The following SGIP1 variants were observed in gnomAD, a reference collection of about 807,000 sequenced individuals.
SGIP1 encodes the protein SH3-containing GRB2-like protein 3-interacting protein 1.
A neutral mutation model predicts 107.5 loss-of-function variants in SGIP1; 38 were observed. The ratio of observed to expected loss-of-function variants is 0.35; its 90% confidence interval spans 0.27 to 0.46. SGIP1 has a LOEUF of 0.46. Ranked by LOEUF, SGIP1 falls within the 20% of genes least tolerant of loss-of-function variation. The pLI, the probability that SGIP1 is intolerant of heterozygous loss-of-function variation, is 1.00. For synonymous variants in SGIP1, 365 were observed against 366.1 expected, an observed-to-expected ratio of 1.00 and a Z score of 0.03; for missense variants, 929 against 1,019.5, an observed-to-expected ratio of 0.91 and a Z score of 1.21.
intron 3 of SGIP1, among the ~76,000 whole-genome samples, chr1:66,635,655 G>A (rs2075633328): frequency 6.6e-6 from 1 of 152,180 alleles, no homozygotes; most frequent in Non-Finnish European, 1.5e-5. Context: ...AATGCTGGCT[G>A]TATGAGAAAT....
At chr1:66,553,368 A>C (rs2057716261) in intron 1 of SGIP1, among the ~76,000 whole-genome samples, 1 of 152,078 alleles carries the variant, frequency 6.6e-6, no homozygotes, top group African/African-American at 2.4e-5. Context: ...CATTTTAAAA[A>C]TAAAGTCATC....
chr1:66,694,627 T>G, intron 17 of SGIP1: 2 of 658,764 alleles, frequency 3.0e-6, no homozygotes, highest in Non-Finnish European at 2.4e-6. Flanking sequence ...GCCTCTCAGA[T>G]GCACCCTGTA....
intron 1 of SGIP1, among the ~76,000 whole-genome samples, chr1:66,618,938 A>T (rs1046645243): frequency 2.0e-5 from 3 of 152,226 alleles, no homozygotes; most frequent in African/African-American, 7.2e-5. Flanking sequence ...GAGTATGGTC[A>T]CATATTTTGT....
At chr1:66,617,418 A>G (rs1256389194) in intron 1 of SGIP1, among the ~76,000 whole-genome samples, 1 of 152,240 alleles carries the variant, frequency 6.6e-6, no homozygotes. Context: ...TACAGTGACT[A>G]TATTTAAAGC....
chr1:66,590,264 A>G (rs1390636511), intron 1 of SGIP1, among the ~76,000 whole-genome samples: 1 of 152,198 alleles, frequency 6.6e-6, no homozygotes, highest in East Asian at 1.9e-4. Flanking sequence ...TACTTTGGAG[A>G]TAAAAACACA....
chr1:66,721,110 T>C (rs2093510786), intron 19 of SGIP1, among the ~76,000 whole-genome samples: 1 of 152,178 alleles, frequency 6.6e-6, no homozygotes, highest in Non-Finnish European at 1.5e-5. Context: ...TTCCACGTCT[T>C]TTCTCTTTCA....
intron 1 of SGIP1, among the ~76,000 whole-genome samples, chr1:66,544,207 C>T (rs376695808): frequency 1.2e-4 from 19 of 152,166 alleles, no homozygotes; most frequent in African/African-American, 4.6e-4. Context: ...TGCTAGGCCA[C>T]CCCTTTCTTG....
At chr1:66,584,090 C>T (rs928875356) in intron 1 of SGIP1, among the ~76,000 whole-genome samples, 13 of 152,106 alleles carry the variant, frequency 8.5e-5, no homozygotes, top group African/African-American at 3.1e-4. Context: ...TGAAATGGTA[C>T]CAGAGGCTTG....
At chr1:66,632,386 G>C (rs1313812500) in intron 2 of SGIP1, among the ~76,000 whole-genome samples, 1 of 152,134 alleles carries the variant, frequency 6.6e-6, no homozygotes, top group Non-Finnish European at 1.5e-5. Flanking sequence ...GGTAAACAGA[G>C]AAATATGGAG....
At chr1:66,565,323 G>T (rs1356995756) in intron 1 of SGIP1, among the ~76,000 whole-genome samples, 6 of 151,716 alleles carry the variant, frequency 4.0e-5, no homozygotes, top group African/African-American at 1.5e-4. Flanking sequence ...TATTTTTGAT[G>T]GCCTGATTTT....
intron 2 of SGIP1, among the ~76,000 whole-genome samples, chr1:66,627,587 A>T (rs12731043): frequency 0.15 from 22,556 of 152,096 alleles, 2,196 homozygotes; most frequent in East Asian, 0.46. Flanking sequence ...TTTTGTCTAG[A>T]TGCCAAATGT....
intron 12 of SGIP1, among the ~76,000 whole-genome samples, chr1:66,674,061 G>A (rs776140278): frequency 1.4e-4 from 21 of 151,980 alleles, no homozygotes; most frequent in African/African-American, 3.4e-4. Context: ...CCAGCTGCTC[G>A]GGAGGCTGAG....
At chr1:66,724,572 A>G (rs17129386) in intron 19 of SGIP1, among the ~76,000 whole-genome samples, 1,844 of 152,306 alleles carry the variant, frequency 0.012, 40 homozygotes, top group African/African-American at 0.042. Context: ...GACTACGTGG[A>G]CTACTTCTCC....
chr1:66,694,779 G>T (rs1404264818), intron 17 of SGIP1: 2 of 353,194 alleles, frequency 5.7e-6, no homozygotes, highest in Non-Finnish European at 1.0e-5. Context: ...ACAAAGGAAA[G>T]AATAATTTAA....
intron 18 of SGIP1, among the ~76,000 whole-genome samples, chr1:66,713,560 G>A (rs1424440602): frequency 6.6e-6 from 1 of 152,042 alleles, no homozygotes; most frequent in Non-Finnish European, 1.5e-5. Flanking sequence ...ATTATTAACA[G>A]CAATAATATA....
chr1:66,576,148 T>G (rs1224190717), intron 1 of SGIP1, among the ~76,000 whole-genome samples: 4 of 152,168 alleles, frequency 2.6e-5, no homozygotes, highest in Non-Finnish European at 5.9e-5. Flanking sequence ...AAGATAAATA[T>G]TGTTTTAAAG....
chr1:66,560,134 T>G (rs571951930), intron 1 of SGIP1, among the ~76,000 whole-genome samples: 3 of 152,096 alleles, frequency 2.0e-5, no homozygotes, highest in Admixed American at 2.0e-4. Flanking sequence ...CTCAAACCCT[T>G]CTCTTTGCTG....
intron 1 of SGIP1, among the ~76,000 whole-genome samples, chr1:66,538,873 T>C (rs2054231282): frequency 1.3e-5 from 2 of 152,208 alleles, no homozygotes; most frequent in Admixed American, 6.6e-5. Flanking sequence ...GAAGCTTTAA[T>C]TGGAGGACAA....
chr1:66,726,991 A>C (rs1256440293), intron 19 of SGIP1, among the ~76,000 whole-genome samples: 1 of 152,242 alleles, frequency 6.6e-6, no homozygotes, highest in Non-Finnish European at 1.5e-5. Context: ...AAGAAAATAC[A>C]AATGAAACTT....
Sources: allele counts gnomAD v4.1 joint callset (sites outside exome capture counted in the v4.1 genomes callset), GRCh38; gene constraint gnomAD v4.1.1; transcripts MANE v1.5; gene names NCBI Gene and HGNC (gene_info 2026-07-23, HGNC 2026-07-21).